The following OGDH variants were observed in gnomAD, a reference collection of about 807,000 sequenced individuals.
OGDH encodes the protein oxoglutarate dehydrogenase.
Under a neutral mutation model 116.6 loss-of-function variants are expected in OGDH, and 38 were observed. That is an observed-to-expected ratio of 0.33 (90% CI 0.25 to 0.43). OGDH has a LOEUF of 0.43. Among genes scored for constraint, OGDH ranks in the 20% least tolerant of loss-of-function variants. The probability of loss-of-function intolerance (pLI) is 1.00; values close to 1 mark genes in which losing one functional copy is unlikely to be tolerated. For synonymous variants in OGDH, 488 were observed against 533.3 expected (o/e 0.92, Z 1.17); for missense variants, 825 against 1,357.2 (o/e 0.61, Z 6.16).
chr7:44,619,030 A>T (rs1299956814), intron 1 of OGDH, among the ~76,000 whole-genome samples: 1 of 152,234 alleles, frequency 6.6e-6, no homozygotes, highest in African/African-American at 2.4e-5. Context: ...TCTCCATAAA[A>T]GGCCCAAGAG....
At chr7:44,607,502 C>T (rs1234302069) in intron 1 of OGDH, among the ~76,000 whole-genome samples, 2 of 152,086 alleles carry the variant, frequency 1.3e-5, no homozygotes, top group East Asian at 1.9e-4. Flanking sequence ...GGCTGATTTC[C>T]AGGTACACTG....
intron 1 of OGDH, among the ~76,000 whole-genome samples, chr7:44,616,819 A>G (rs1187705080): frequency 7.7e-6 from 1 of 130,500 alleles, no homozygotes; most frequent in African/African-American, 3.2e-5. Context: ...ATATATACGT[A>G]TATATGTGTA....
At position 44,707,177 on chromosome 7, in the gene OGDH, A is replaced by C; in HGVS notation, c.2633-48A>C. The stretch of plus-strand genomic sequence containing the variant: ...CAGCCCTGGGCCCAGGAGAGCTCTC[A>C]GCCACATACCTGAGAGAACCAGCCT... On this transcript the variant is annotated intron_variant, in intron 20 of 22. Transcript: ENST00000222673. This position sits in a 1 kb window ranked among gnomAD's most constrained non-coding sequence, Gnocchi z 5.2. 1 of 1,602,574 alleles carries C rather than the reference A, an allele frequency of 6.2e-7. No homozygotes were observed. Among genetic ancestry groups the C allele is most frequent in the Non-Finnish European group, 8.5e-7 (1 of 1,173,162 alleles).
chr7:44,640,080 T>C (rs946764032), intron 2 of OGDH, among the ~76,000 whole-genome samples: 13 of 152,148 alleles, frequency 8.5e-5, no homozygotes, highest in African/African-American at 3.1e-4. Context: ...CCTGCAGCCT[T>C]TGTGGCTCAG....
chr7:44,631,384 A>G (rs554993337), intron 2 of OGDH, among the ~76,000 whole-genome samples: 98 of 152,314 alleles, frequency 6.4e-4, no homozygotes, highest in African/African-American at 2.3e-3. Flanking sequence ...TAGTGTACCC[A>G]TCACCCAGAT....
rs867866005 is a variant in OGDH, at chr7:44,673,931, C to T, written c.778C>T (p.Arg260Trp). The change falls in exon 6 of 23, where the codon CGG (arginine) becomes TGG (tryptophan). Residue 260 changes from arginine to tryptophan, a missense_variant. Physicochemically the swap from Arg to Trp is moderately radical, Grantham distance 101 (BLOSUM62 -3). This residue lies in a region of OGDH where 171 missense variants were observed against 276.8 expected (regional missense o/e 0.62). Transcript: ENST00000222673. The part of the protein sequence containing the change: ...EKRTLLARLV[R>W]STRFEEFLQR... ...ACGGACCCTGCTGGCCAGGCTTGTG[C>T]GGTCCACCAGGTATGGGTCTGGCCC... 3 of 1,614,166 alleles carry T rather than the reference C, an allele frequency of 1.9e-6. No individual in the cohort carries two copies. The highest frequency in any genetic ancestry group is 1.7e-6 in the Non-Finnish European group (2 of 1,180,026).
chr7:44,654,865 C>T (rs1207198377), intron 4 of OGDH, among the ~76,000 whole-genome samples: 1 of 152,206 alleles, frequency 6.6e-6, no homozygotes, highest in Non-Finnish European at 1.5e-5. Flanking sequence ...TCCCTCTCTC[C>T]TCCCTCACAG....
rs1410216636 is a variant in OGDH at position 44,697,053 on chromosome 7, G to A, written c.2040G>A (p.Arg680=). 1.2e-6 allele frequency: 2 copies of A among 1,613,792 alleles called. No homozygotes were observed. The highest frequency in any genetic ancestry group is 1.3e-5 in the African/African-American group (1 of 75,042). ...GGCTGAGCGGCCAGGACGTGGAGCGGGGCACATTCAGGTAACGTTCTGGGC... is the reference window on the plus strand; with the variant it reads ...GGCTGAGCGGCCAGGACGTGGAGCGAGGCACATTCAGGTAACGTTCTGGGC... ...HIRLSGQDVE[R]GTFSHRHHVL... is the part of the protein sequence containing the mutation. Residue 680 remains arginine, a synonymous_variant, in exon 15 of 23, where the codon CGG becomes CGA. Transcript: ENST00000222673. The surrounding 1 kb of genome is among the most constrained non-coding windows in gnomAD (Gnocchi z 6.0).
chr7:44,672,591 C>T (rs1000250446), intron 5 of OGDH, among the ~76,000 whole-genome samples: 11 of 151,380 alleles, frequency 7.3e-5, no homozygotes, highest in Admixed American at 3.9e-4. Context: ...TTTTGGGCCT[C>T]TGCAGGAGTA....
At chr7:44,622,548 A>C (rs1785044992) in intron 1 of OGDH, among the ~76,000 whole-genome samples, 1 of 151,504 alleles carries the variant, frequency 6.6e-6, no homozygotes, top group South Asian at 2.1e-4. Flanking sequence ...AATGCAGGAC[A>C]CTCTAAGCCC....
chr7:44,641,076 T>C (rs1024968283), intron 2 of OGDH, among the ~76,000 whole-genome samples: 7 of 150,770 alleles, frequency 4.6e-5, no homozygotes, highest in Non-Finnish European at 7.4e-5. Flanking sequence ...GTATTTTTTT[T>C]TTTTTTAGTA....
chr7:44,668,843 T>C (rs1562654938), intron 5 of OGDH, among the ~76,000 whole-genome samples: 1 of 152,200 alleles, frequency 6.6e-6, no homozygotes, highest in East Asian at 1.9e-4. Flanking sequence ...TCAAATAAAA[T>C]AGGAAAATTT....
chr7:44,705,494 G>A (rs1455989250), intron 20 of OGDH, among the ~76,000 whole-genome samples: 2 of 151,982 alleles, frequency 1.3e-5, no homozygotes, highest in Non-Finnish European at 2.9e-5. Context: ...TATAGTTTTT[G>A]CTCTTATGTT....
chr7:44,678,856 C>T (rs1291607264), intron 9 of OGDH, among the ~76,000 whole-genome samples: 1 of 152,188 alleles, frequency 6.6e-6, no homozygotes, highest in Non-Finnish European at 1.5e-5. Context: ...CAGCATTTTT[C>T]GTGAAGAATT....
chr7:44,668,146 C>T lies in OGDH; in HGVS notation c.633+1295C>T, dbSNP rs149745173. 2.5e-3 allele frequency among the ~76,000 whole-genome samples: 374 copies of T among 152,268 alleles called. 1 individual carries two copies. The highest frequency in any genetic ancestry group is 8.7e-3 in the African/African-American group (361 of 41,542). ...TGGCTGCACAGTGGCTTAAAAAGAT[C>T]TGAGTGTCCAGGCCAGGCACAGTGT... On this transcript the variant is annotated intron_variant, in intron 5 of 22. Coordinates refer to ENST00000222673, the MANE Select transcript of OGDH (RefSeq NM_002541.4).
Position 44,709,005 on chromosome 7 carries a change from AAAAG to A in OGDH, c.*1007_*1010del, listed in dbSNP as rs1789209667. 1 of 152,016 alleles carries A rather than the reference AAAAG, an allele frequency of 6.6e-6. No homozygotes were observed. Among genetic ancestry groups the A allele is most frequent in the Non-Finnish European group, 1.5e-5 (1 of 68,012 alleles). 9.4% of individuals were successfully genotyped at this position (152,016 alleles called of 1,614,324 possible). A position where few individuals can be genotyped will look rare whatever the true frequency, so the allele number is the denominator to read the frequency against. ...TTATTTATTTTGGTTAAAAAAAAAA[AAAAG>A]GAACAGAAACAACTTTGCATTGCAT... On this transcript the variant is annotated 3_prime_UTR_variant, in exon 23 of 23. Transcript: ENST00000222673.
intron 1 of OGDH, among the ~76,000 whole-genome samples, chr7:44,606,905 C>T (rs1007867843): frequency 4.6e-5 from 7 of 151,792 alleles, no homozygotes; most frequent in African/African-American, 1.7e-4. Context: ...CGGGTACGGG[C>T]GGGCTCCGAG....
At chr7:44,700,101 G>A (rs1275984744) in intron 18 of OGDH, 40 bp from the exon 19 acceptor site, 1 of 1,611,834 alleles carries the variant, frequency 6.2e-7, no homozygotes, top group Non-Finnish European at 8.5e-7. Flanking sequence ...AAGACTCAGT[G>A]CTGTGTCCTG....
At chr7:44,682,605 G>C (rs1463994233) in intron 10 of OGDH, among the ~76,000 whole-genome samples, 1 of 151,902 alleles carries the variant, frequency 6.6e-6, no homozygotes, top group Non-Finnish European at 1.5e-5. Flanking sequence ...TGAGGCACAA[G>C]AATCACTTGA....
Sources: allele counts gnomAD v4.1 joint callset (sites outside exome capture counted in the v4.1 genomes callset), GRCh38; gene constraint gnomAD v4.1.1; regional missense constraint gnomAD v4.1.1; non-coding constraint Gnocchi (gnomAD v3.1); transcripts MANE v1.5; gene names NCBI Gene and HGNC (gene_info 2026-07-23, HGNC 2026-07-21).